Variants in SOS2 observed in about 807,000 individuals in gnomAD.
SOS2 encodes the protein SOS Ras/Rho guanine nucleotide exchange factor 2.
A neutral mutation model predicts 148.2 loss-of-function variants in SOS2; 65 were observed. The ratio of observed to expected loss-of-function variants is 0.44; its 90% CI spans 0.36 to 0.54. The LOEUF (loss-of-function observed/expected upper bound fraction) is 0.54, where lower values mean the gene tolerates loss of function less well. SOS2 is among the 20% of genes least tolerant of loss of function. The pLI, the probability that SOS2 is intolerant of heterozygous loss-of-function variation, is 0.00. For synonymous variants in SOS2, 539 were observed against 537.1 expected (o/e 1.00, Z -0.05); for missense variants, 1,341 against 1,590.2 (o/e 0.84, Z 2.67).
chr14:50,178,704 A>ATG, intron 7 of SOS2, among the ~76,000 whole-genome samples: 1 of 57,248 alleles, frequency 1.7e-5, no homozygotes, highest in South Asian at 4.7e-4. Flanking sequence ...ATATATATAT[A>ATG]TATATATACA....
At chr14:50,152,851 G>C (rs1165703695) in intron 13 of SOS2, among the ~76,000 whole-genome samples, 2 of 152,044 alleles carry the variant, frequency 1.3e-5, no homozygotes, top group Non-Finnish European at 2.9e-5. Flanking sequence ...TGTAGTCCCA[G>C]CTACTTGGGA....
At chr14:50,136,913 T>C (rs530750851) in intron 18 of SOS2, among the ~76,000 whole-genome samples, 59 of 152,226 alleles carry the variant, frequency 3.9e-4, no homozygotes, top group African/African-American at 1.3e-3. Context: ...AATGGTATGC[T>C]TTAGGTGGTC....
In SOS2 at chr14:50,156,261, C is replaced by T. The variant is rs988997983; in HGVS notation, c.2057+738G>A. The T allele has an allele frequency of 6.0e-5, 9 of 151,018 alleles. No individual in the cohort carries two copies. The South Asian group carries it at 8.3e-4, about 14-fold the overall frequency. The allele number at this position is 151,018 out of a possible 1,614,324, so 9.4% of individuals were successfully genotyped here. A position where few individuals can be genotyped will look rare whatever the true frequency, so the allele number is the denominator to read the frequency against. On this transcript the variant is annotated intron_variant, in intron 12 of 22. Transcript: ENST00000216373. ...TTTTCAATGCTTAGTGGTACGTACACACACACACACACACACACACGCAAA... is the reference window on the plus strand; with the variant it reads ...TTTTCAATGCTTAGTGGTACGTACATACACACACACACACACACACGCAAA...
chr14:50,215,731 AAAAC>A (rs765428866), intron 1 of SOS2, among the ~76,000 whole-genome samples: 3 of 152,218 alleles, frequency 2.0e-5, no homozygotes, highest in Non-Finnish European at 2.9e-5. Flanking sequence ...ATAATAAAAA[AAAAC>A]AAAAAACAAA....
chr14:50,162,637 AATCT>A (rs917209113), intron 8 of SOS2, among the ~76,000 whole-genome samples: 1 of 152,162 alleles, frequency 6.6e-6, no homozygotes, highest in Non-Finnish European at 1.5e-5. Context: ...TTAACACTTC[AATCT>A]ATCATAAACT....
intron 19 of SOS2, among the ~76,000 whole-genome samples, chr14:50,132,069 A>ATT (rs573341995): frequency 5.9e-4 from 90 of 152,300 alleles, no homozygotes; most frequent in Admixed American, 1.8e-3. Context: ...ATGTTAAATA[A>ATT]GTGGGATCAA....
Position 50,118,582 on chromosome 14 carries a change from G to T in SOS2, c.3761C>A (p.Thr1254Lys), listed in dbSNP as rs772587016. 3.1e-6 allele frequency: 5 copies of T among 1,614,112 alleles called. No individual in the cohort carries two copies. The highest frequency in any genetic ancestry group is 4.2e-6 in the Non-Finnish European group (5 of 1,180,012). ...AGGAGTGCTTGGCGAATTTGGACACGTACTAATGTCTCTGAGCCAGTCTGA... is the reference window on the plus strand; with the variant it reads ...AGGAGTGCTTGGCGAATTTGGACACTTACTAATGTCTCTGAGCCAGTCTGA... ...RDSDWLRDISTCPNSPSTPPS... is the reference protein window; with the variant it reads ...RDSDWLRDISKCPNSPSTPPS... The change falls in exon 23 of 23, where the codon ACG becomes AAG. Residue 1254 changes from threonine to lysine, a missense_variant. This residue lies in a region of SOS2 where 354 missense variants were observed against 347.7 expected (regional missense o/e 1.02). Transcript: ENST00000216373.
intron 21 of SOS2, among the ~76,000 whole-genome samples, chr14:50,122,826 T>G (rs999773976): frequency 3.9e-5 from 6 of 152,252 alleles, no homozygotes; most frequent in Non-Finnish European, 8.8e-5. Flanking sequence ...CAGAATTTAC[T>G]AAACAATTTC....
Position 50,121,537 on chromosome 14 carries a change from G to T in SOS2, c.3380-1153C>A, listed in dbSNP as rs1313627637. 1.6e-5 allele frequency among the ~76,000 whole-genome samples: 2 copies of T among 127,946 alleles called. 1 individual carries two copies. Among genetic ancestry groups the T allele is most frequent in the African/African-American group, 6.2e-5 (2 of 32,404 alleles). The allele number at this position is 127,946 out of a possible 152,430, so 83.9% of individuals were successfully genotyped here. On this transcript the variant is annotated intron_variant, in intron 21 of 22. Coordinates refer to ENST00000216373, the MANE Select transcript of SOS2 (RefSeq NM_006939.4). ...TGCAGTTACTTCCTGGGGGAGGGGG[G>T]GGAGTCCTGTTGACTCAGGGGGAAA...
chr14:50,127,431 C>T (rs997677699), intron 21 of SOS2, among the ~76,000 whole-genome samples: 9 of 152,088 alleles, frequency 5.9e-5, no homozygotes, highest in Non-Finnish European at 5.9e-5. Context: ...CGTGAGCCAC[C>T]GCGCCCGGCC....
intron 1 of SOS2, among the ~76,000 whole-genome samples, chr14:50,211,447 G>GTAC (rs549103894): frequency 1.6e-3 from 244 of 152,170 alleles, no homozygotes; most frequent in African/African-American, 5.5e-3. Flanking sequence ...ACTGAGCATA[G>GTAC]TACTACCTCC....
intron 1 of SOS2, among the ~76,000 whole-genome samples, chr14:50,209,774 T>A (rs905074344): frequency 6.7e-6 from 1 of 149,940 alleles, no homozygotes; most frequent in Non-Finnish European, 1.5e-5. Flanking sequence ...AAAAATTAAA[T>A]AGCATTTACA....
At chr14:50,151,816 G>C (rs2139600521) in intron 13 of SOS2, among the ~76,000 whole-genome samples, 1 of 152,152 alleles carries the variant, frequency 6.6e-6, no homozygotes, top group South Asian at 2.1e-4. Flanking sequence ...TCGAGCTCTG[G>C]GCTTAAAAGT....
chr14:50,161,526 G>C lies in SOS2; in HGVS notation c.1152C>G (p.Ser384Arg). The C allele has an allele frequency of 6.2e-7, 1 of 1,613,242 alleles. No individual in the cohort carries two copies. Among genetic ancestry groups the C allele is most frequent in the Non-Finnish European group, 8.5e-7 (1 of 1,179,334 alleles). The stretch of plus-strand genomic sequence containing the variant: ...AATACTGCTTGTAAATTCGGTCCAT[G>C]CTACCTTGGAGATTCATGAGAGCAG... Reference protein sequence around the residue: ...AITALMNLQGSMDRIYKQYSP... With the variant: ...AITALMNLQGRMDRIYKQYSP... Residue 384 changes from serine (S) to arginine (R), a missense_variant, in exon 9 of 23, where the codon AGC becomes AGG. Ser to Arg is a moderately radical substitution (Grantham distance 110). Coordinates refer to ENST00000216373, the MANE Select transcript of SOS2 (RefSeq NM_006939.4).
intron 18 of SOS2, among the ~76,000 whole-genome samples, chr14:50,135,662 T>TTTTTTC (rs1884055065): frequency 6.9e-6 from 1 of 145,110 alleles, no homozygotes; most frequent in Non-Finnish European, 1.5e-5. Context: ...TTTTTTTTTT[T>TTTTTTC]TTGAGATGGA....
At chr14:50,136,587 G>T (rs1205369194) in intron 18 of SOS2, among the ~76,000 whole-genome samples, 1 of 99,632 alleles carries the variant, frequency 1.0e-5, no homozygotes, top group Non-Finnish European at 1.9e-5. Context: ...TTAAGAGCAA[G>T]TATCTTTTTT....
At chr14:50,194,744 C>T (rs1886262626) in intron 4 of SOS2, among the ~76,000 whole-genome samples, 1 of 149,356 alleles carries the variant, frequency 6.7e-6, no homozygotes, top group African/African-American at 2.5e-5. Flanking sequence ...CGCCACTGCG[C>T]TCCATACTGG....
At chr14:50,174,592 C>A in intron 7 of SOS2, 40 bp from the exon 8 acceptor site, 1 of 1,251,654 alleles carries the variant, frequency 8.0e-7, no homozygotes. Flanking sequence ...ATGTCTCTGA[C>A]ATCAAGGATA....
At chr14:50,157,187 C>T (rs1405110666) in intron 11 of SOS2, 66 bp from the exon 12 acceptor site, 2 of 1,547,994 alleles carry the variant, frequency 1.3e-6, no homozygotes, top group Admixed American at 3.7e-5. Flanking sequence ...AGGAAAACAG[C>T]AAGCAACCTT....
Sources: gnomAD v4.1 joint callset for allele counts (sites outside exome capture counted in the v4.1 genomes callset) on GRCh38, gnomAD v4.1.1 for gene constraint, gnomAD v4.1.1 regional missense constraint, MANE v1.5 for transcripts, NCBI Gene and HGNC (gene_info 2026-07-23, HGNC 2026-07-21) for gene names.